Variants in MEIKIN observed in about 807,000 individuals in gnomAD.
MEIKIN encodes the protein meiosis-specific kinetochore protein.
intron 11 of MEIKIN, among the ~76,000 whole-genome samples, chr5:131,831,038 T>C (rs1324606573): frequency 6.6e-6 from 1 of 152,070 alleles, no homozygotes; most frequent in Non-Finnish European, 1.5e-5. Flanking sequence ...GCTGGGACTA[T>C]ACGTGTGCGC....
chr5:131,939,327 G>C (rs1751831770), intron 4 of MEIKIN, among the ~76,000 whole-genome samples: 1 of 148,814 alleles, frequency 6.7e-6, no homozygotes, highest in Admixed American at 6.7e-5. Flanking sequence ...GCCTGAATCA[G>C]TTTGTTTCTT....
At chr5:131,862,608 G>A (rs936373014) in intron 9 of MEIKIN, among the ~76,000 whole-genome samples, 1 of 151,890 alleles carries the variant, frequency 6.6e-6, no homozygotes, top group African/African-American at 2.4e-5. Flanking sequence ...TTTTGATGTA[G>A]GCATTTATTG....
chr5:131,886,286 G>A (rs1750793845), intron 8 of MEIKIN, among the ~76,000 whole-genome samples: 1 of 151,990 alleles, frequency 6.6e-6, no homozygotes, highest in Admixed American at 6.6e-5. Context: ...CAAATCTAGA[G>A]AAAGATATCA....
At chr5:131,883,906 T>G (rs1009591169) in intron 8 of MEIKIN, among the ~76,000 whole-genome samples, 5 of 152,184 alleles carry the variant, frequency 3.3e-5, no homozygotes, top group African/African-American at 4.8e-5. Flanking sequence ...AATGCTGCCC[T>G]GTCAAGTGGA....
intron 11 of MEIKIN, among the ~76,000 whole-genome samples, chr5:131,845,032 A>G (rs1290751370): frequency 6.6e-6 from 1 of 152,186 alleles, no homozygotes; most frequent in Non-Finnish European, 1.5e-5. Context: ...GCACTTTGGG[A>G]GGCCGAGGCG....
intron 8 of MEIKIN, among the ~76,000 whole-genome samples, chr5:131,890,362 T>C (rs1750888161): frequency 1.3e-5 from 2 of 152,212 alleles, no homozygotes; most frequent in South Asian, 4.1e-4. Context: ...CTATTAATTA[T>C]TGCCTCAATT....
chr5:131,886,717 C>A (rs187302041), intron 8 of MEIKIN, among the ~76,000 whole-genome samples: 1 of 152,026 alleles, frequency 6.6e-6, no homozygotes, highest in Non-Finnish European at 1.5e-5. Context: ...TGTGAAGGTA[C>A]GAAACTCATT....
intron 11 of MEIKIN, among the ~76,000 whole-genome samples, chr5:131,830,563 G>T (rs531074394): frequency 6.6e-6 from 1 of 152,182 alleles, no homozygotes; most frequent in Non-Finnish European, 1.5e-5. Context: ...GATTCTCATC[G>T]TCCTTTTGGT....
intron 8 of MEIKIN, among the ~76,000 whole-genome samples, chr5:131,909,347 A>C (rs1340689845): frequency 6.6e-6 from 1 of 152,174 alleles, no homozygotes; most frequent in Non-Finnish European, 1.5e-5. Context: ...TGGTGCTTGG[A>C]AAACTGGATA....
intron 10 of MEIKIN, among the ~76,000 whole-genome samples, chr5:131,852,063 G>C (rs1462604268): frequency 6.6e-6 from 1 of 152,078 alleles, no homozygotes; most frequent in African/African-American, 2.4e-5. Context: ...AAACTGAATT[G>C]ATAAACAAAA....
chr5:131,861,191 C>A (rs1238190502), intron 9 of MEIKIN, among the ~76,000 whole-genome samples: 1 of 151,962 alleles, frequency 6.6e-6, no homozygotes, highest in Admixed American at 6.6e-5. Flanking sequence ...GAGATCGAGA[C>A]CATCCTGGCC....
chr5:131,808,235 C>CA (rs1772882599), intron 12 of MEIKIN, among the ~76,000 whole-genome samples: 1 of 152,194 alleles, frequency 6.6e-6, no homozygotes. Context: ...AAAGACTTTG[C>CA]AAAATGGTTC....
chr5:131,906,368 G>A (rs1399494555), intron 8 of MEIKIN, among the ~76,000 whole-genome samples: 1 of 152,126 alleles, frequency 6.6e-6, no homozygotes, highest in Non-Finnish European at 1.5e-5. Context: ...AAAAGTAACA[G>A]ATACTGACAA....
At chr5:131,830,412 T>C (rs1285738272) in intron 11 of MEIKIN, among the ~76,000 whole-genome samples, 1 of 152,014 alleles carries the variant, frequency 6.6e-6, no homozygotes, top group African/African-American at 2.4e-5. Context: ...AAAAGATTTA[T>C]GAAACAGAAA....
At chr5:131,887,970 T>G in intron 8 of MEIKIN, among the ~76,000 whole-genome samples, 1 of 139,234 alleles carries the variant, frequency 7.2e-6, no homozygotes, top group Non-Finnish European at 1.5e-5. Flanking sequence ...TTTGGTTTTT[T>G]GTCCTTGTGA....
In MEIKIN at chr5:131,825,141, G is replaced by A. The variant is rs376762588; in HGVS notation, c.976-6278C>T. ...CTTTAACCCAGGAGGTCAAGGATAC[G>A]GTGATCCATGATCTTACCACTGCAC... is the stretch of plus-strand genomic sequence containing the variant. On this transcript the variant is annotated intron_variant, in intron 11 of 12. Coordinates refer to ENST00000442687, the MANE Select transcript of MEIKIN (RefSeq NM_001303622.2). Among the ~76,000 whole-genome samples, 59 of 152,128 alleles carry A rather than the reference G, an allele frequency of 3.9e-4. No individual in the cohort carries two copies. In the East Asian group the frequency reaches 4.8e-3, roughly 12 times the overall value.
chr5:131,859,857 G>A (rs141945584), intron 9 of MEIKIN, among the ~76,000 whole-genome samples: 223 of 152,142 alleles, frequency 1.5e-3, no homozygotes, highest in African/African-American at 5.2e-3. Flanking sequence ...AAGATCAGTT[G>A]GCTGTAAATA....
intron 5 of MEIKIN, among the ~76,000 whole-genome samples, chr5:131,928,722 T>C (rs1015245175): frequency 2.6e-5 from 4 of 152,168 alleles, no homozygotes; most frequent in Admixed American, 6.5e-5. Context: ...TACATTACTA[T>C]TGTAATAGTA....
At chr5:131,888,674 G>C (rs979908627) in intron 8 of MEIKIN, among the ~76,000 whole-genome samples, 10 of 152,170 alleles carry the variant, frequency 6.6e-5, no homozygotes, top group Non-Finnish European at 1.0e-4. Flanking sequence ...TGGTCACTCT[G>C]ATGGTAGTTT....
Sources: allele counts gnomAD v4.1 joint callset (sites outside exome capture counted in the v4.1 genomes callset), GRCh38; gene constraint gnomAD v4.1.1; transcripts MANE v1.5; gene names NCBI Gene and HGNC (gene_info 2026-07-23, HGNC 2026-07-21).